The following ERC2 variants were observed in gnomAD, a reference collection of about 807,000 sequenced individuals.
ERC2 encodes the protein ELKS/RAB6-interacting/CAST family member 2.
Under a neutral mutation model 114.8 loss-of-function variants are expected in ERC2, and 42 were observed. The observed-to-expected ratio is 0.37, with a 90% CI of 0.29 to 0.47. ERC2 has a LOEUF of 0.47. Ranked by LOEUF, ERC2 falls within the 20% of genes least tolerant of loss-of-function variation. The pLI is 0.99. For synonymous variants in ERC2, 454 were observed against 425.5 expected (o/e 1.07, Z -0.82); for missense variants, 939 against 1,150.7 (o/e 0.82, Z 2.66).
chr3:56,314,149 T>G (rs566146907), intron 2 of ERC2, among the ~76,000 whole-genome samples: 44 of 152,296 alleles, frequency 2.9e-4, no homozygotes, highest in African/African-American at 1.0e-3. Context: ...GCCAAAAGCC[T>G]GGTCACTCAC....
chr3:56,013,313 A>G (rs1481262676), intron 8 of ERC2, among the ~76,000 whole-genome samples: 2 of 152,218 alleles, frequency 1.3e-5, no homozygotes, highest in East Asian at 3.9e-4. Context: ...TTAAAAATTC[A>G]TGAGTTTTTA....
intron 17 of ERC2, among the ~76,000 whole-genome samples, chr3:55,656,178 C>T (rs2060856410): frequency 6.6e-6 from 1 of 152,070 alleles, no homozygotes; most frequent in Non-Finnish European, 1.5e-5. Context: ...CTCACTCTGT[C>T]ACCCAGGCTG....
chr3:55,579,530 C>T (rs1318632070), intron 17 of ERC2, among the ~76,000 whole-genome samples: 3 of 152,226 alleles, frequency 2.0e-5, no homozygotes, highest in Non-Finnish European at 2.9e-5. Context: ...TCAATTTAGA[C>T]GGCAGGACCT....
chr3:56,006,194 C>T (rs2072478064), intron 10 of ERC2, among the ~76,000 whole-genome samples: 1 of 151,908 alleles, frequency 6.6e-6, no homozygotes, highest in Non-Finnish European at 1.5e-5. Flanking sequence ...AAAGTGAATA[C>T]CATATAGTAA....
chr3:56,177,039 A>G (rs916268801), intron 3 of ERC2, among the ~76,000 whole-genome samples: 1 of 152,192 alleles, frequency 6.6e-6, no homozygotes, highest in Non-Finnish European at 1.5e-5. Context: ...AAAAGCCCAC[A>G]CTTCTGAAAC....
intron 17 of ERC2, among the ~76,000 whole-genome samples, chr3:55,654,157 C>T (rs2060761701): frequency 1.3e-5 from 2 of 152,250 alleles, no homozygotes; most frequent in South Asian, 2.1e-4. Flanking sequence ...GTCTCAGCTC[C>T]TCAGCTAAGT....
chr3:55,926,426 A>AAC (rs2065756811), intron 13 of ERC2, among the ~76,000 whole-genome samples: 1 of 151,522 alleles, frequency 6.6e-6, no homozygotes, highest in African/African-American at 2.4e-5. Context: ...AAAAAAAAAA[A>AAC]AACTAAAAGA....
chr3:56,010,353 A>G, intron 9 of ERC2, 96 bp downstream of exon 9: 1 of 1,406,100 alleles, frequency 7.1e-7, no homozygotes, highest in South Asian at 1.4e-5. Flanking sequence ...AAGCCTTCAT[A>G]CAGTGCCTCC....
At chr3:56,361,855 C>A (rs1360501102) in intron 2 of ERC2, among the ~76,000 whole-genome samples, 1 of 152,108 alleles carries the variant, frequency 6.6e-6, no homozygotes, top group Admixed American at 6.5e-5. Context: ...AGGGTACAAC[C>A]CAGGAAACAC....
intron 6 of ERC2, among the ~76,000 whole-genome samples, chr3:56,121,131 T>C (rs750852540): frequency 9.2e-5 from 14 of 152,198 alleles, no homozygotes; most frequent in Non-Finnish European, 1.9e-4. Flanking sequence ...TTCTCACCTG[T>C]AGAATGGGGA....
At chr3:56,264,474 G>C (rs1325799366) in intron 3 of ERC2, among the ~76,000 whole-genome samples, 1 of 151,950 alleles carries the variant, frequency 6.6e-6, no homozygotes. Context: ...GCGTGCACCT[G>C]TAATCCCAGC....
At chr3:55,611,250 G>A (rs1162597764) in intron 17 of ERC2, among the ~76,000 whole-genome samples, 1 of 152,214 alleles carries the variant, frequency 6.6e-6, no homozygotes, top group African/African-American at 2.4e-5. Flanking sequence ...AGAATTTATT[G>A]AACTAATTTA....
intron 8 of ERC2, among the ~76,000 whole-genome samples, chr3:56,013,547 G>A (rs1256715077): frequency 6.6e-6 from 1 of 152,196 alleles, no homozygotes; most frequent in African/African-American, 2.4e-5. Context: ...AGCTTAGACA[G>A]GGTGGAAACA....
intron 2 of ERC2, chr3:56,434,005 T>C: frequency 8.7e-6 from 2 of 229,542 alleles, no homozygotes; most frequent in Non-Finnish European, 1.7e-5. Context: ...TAACATTTTC[T>C]TCTTCTATTC....
At chr3:55,924,862 T>C (rs2065657223) in intron 13 of ERC2, among the ~76,000 whole-genome samples, 1 of 152,154 alleles carries the variant, frequency 6.6e-6, no homozygotes, top group Admixed American at 6.6e-5. Context: ...GAACCCTGTG[T>C]GGATATACTC....
intron 3 of ERC2, among the ~76,000 whole-genome samples, chr3:56,247,056 T>C (rs2051759894): frequency 1.3e-5 from 2 of 152,216 alleles, no homozygotes. Context: ...ATAGAGTACC[T>C]GCAGGGTGCA....
chr3:56,436,950 T>C (rs2062047923), intron 1 of ERC2, among the ~76,000 whole-genome samples: 1 of 152,218 alleles, frequency 6.6e-6, no homozygotes, highest in South Asian at 2.1e-4. Flanking sequence ...TCATCTATCA[T>C]CTATACATCT....
At chr3:56,333,681 A>G (rs1251291615) in intron 2 of ERC2, among the ~76,000 whole-genome samples, 2 of 151,104 alleles carry the variant, frequency 1.3e-5, no homozygotes, top group Non-Finnish European at 3.0e-5. Flanking sequence ...ATATATTCTT[A>G]TCTCTTCCAA....
chr3:55,665,805 G>GAGCC (rs1225729422), intron 17 of ERC2, among the ~76,000 whole-genome samples: 1 of 152,204 alleles, frequency 6.6e-6, no homozygotes, highest in Non-Finnish European at 1.5e-5. Context: ...CCAGAACTGG[G>GAGCC]CAAGGGTTCA....
Sources: allele counts gnomAD v4.1 joint callset (sites outside exome capture counted in the v4.1 genomes callset), GRCh38; gene constraint gnomAD v4.1.1; transcripts MANE v1.5; gene names NCBI Gene and HGNC (gene_info 2026-07-23, HGNC 2026-07-21).